C4orf50: variants seen among roughly 807,000 people sequenced by gnomAD.
C4orf50 encodes chromosome 4 open reading frame 50.
Under a neutral mutation model 77.2 loss-of-function variants are expected in C4orf50, and 80 were observed. That is an observed-to-expected ratio of 1.04 (90% CI 0.87 to 1.25). The LOEUF (loss-of-function observed/expected upper bound fraction) is 1.25, where lower values mean the gene tolerates loss of function less well. Ranked by LOEUF, C4orf50 falls within the 50% of genes most tolerant of loss-of-function variation. The probability of loss-of-function intolerance (pLI) is 0.00; values close to 1 mark genes in which losing one functional copy is unlikely to be tolerated. For missense variants in C4orf50, 1,257 were observed against 1,152.9 expected (o/e 1.09, Z -1.31); for synonymous variants, 532 against 465.3 (o/e 1.14, Z -1.84).
rs552733151 is a variant in C4orf50 at position 6,011,445 on chromosome 4, C to T, written c.426+385G>A. On this transcript the variant is annotated intron_variant, in intron 24 of 33. Coordinates refer to ENST00000531445, the Ensembl canonical transcript of C4orf50. This position sits in a 1 kb window ranked among gnomAD's most constrained non-coding sequence, Gnocchi z 4.2. ...CAACTCCCCTAGCCCCCTGAACACA[C>T]GCCATGGGGGATCGCACACTCCCCC... Among the ~76,000 whole-genome samples, 4 of 152,210 alleles carry T rather than the reference C, an allele frequency of 2.6e-5. No individual in the cohort carries two copies. The highest frequency in any genetic ancestry group is 1.9e-4 in the East Asian group (1 of 5,148).
In C4orf50 at chr4:5,992,084, C is replaced by A. The variant is rs1276916631; in HGVS notation, c.1221+719G>T. 1.3e-5 allele frequency among the ~76,000 whole-genome samples: 2 copies of A among 152,174 alleles called. No homozygotes were observed. The highest frequency in any genetic ancestry group is 2.9e-5 in the Non-Finnish European group (2 of 68,022). ...CTGGAGCCTCAGCCACCTCACCTGT[C>A]AAATGGGGCACCTCCGTGTTCTAAG... On this transcript the variant is annotated intron_variant, in intron 27 of 33. Transcript: ENST00000531445. This position sits in a 1 kb window ranked among gnomAD's most constrained non-coding sequence, Gnocchi z 5.0.
In C4orf50 at chr4:6,015,179, G is replaced by A. The variant is rs773522218; in HGVS notation, c.287+2966C>T. Among the ~76,000 whole-genome samples the A allele has an allele frequency of 1.6e-4, 25 of 152,160 alleles. No homozygotes were observed. The highest frequency in any genetic ancestry group is 3.4e-4 in the Non-Finnish European group (23 of 68,020). ...CACATCCCTGCATCCTGTGTTGAAGGCCTAACCCCCAAGTTCCTTAGAATG... is the reference window on the plus strand; with the variant it reads ...CACATCCCTGCATCCTGTGTTGAAGACCTAACCCCCAAGTTCCTTAGAATG... On this transcript the variant is annotated intron_variant, in intron 23 of 33. Transcript: ENST00000531445. The surrounding 1 kb of genome is among the most constrained non-coding windows in gnomAD (Gnocchi z 4.4).
intron 31 of C4orf50, among the ~76,000 whole-genome samples, chr4:5,969,314 T>C (rs1719766471): frequency 6.6e-6 from 1 of 151,906 alleles, no homozygotes. Context: ...GCTGATTTAA[T>C]GAACTGGGGG....
At chr4:6,010,140 G>A (rs1214604764) in intron 24 of C4orf50, among the ~76,000 whole-genome samples, 2 of 152,018 alleles carry the variant, frequency 1.3e-5, no homozygotes, top group Non-Finnish European at 2.9e-5. Flanking sequence ...ATTCACATAG[G>A]GCATGGCTCG....
chr4:5,980,427 C>T (rs1286725903), intron 28 of C4orf50, 89 bp from the exon 7 acceptor site: 8 of 1,219,082 alleles, frequency 6.6e-6, no homozygotes, highest in Non-Finnish European at 8.9e-6. Context: ...TTCCCCACTC[C>T]GTAGTTTTTT....
At chr4:5,906,136 C>T (rs919101600) in intron 7 of C4orf50, among the ~76,000 whole-genome samples, 5 of 151,564 alleles carry the variant, frequency 3.3e-5, no homozygotes, top group Admixed American at 2.6e-4. Flanking sequence ...CAGGAGAAGC[C>T]GGTGTGAAGA....
At chr4:5,986,634 G>A (rs931572936) in intron 28 of C4orf50, among the ~76,000 whole-genome samples, 4 of 151,186 alleles carry the variant, frequency 2.6e-5, no homozygotes, top group Admixed American at 6.6e-5. Context: ...CGCCTCCCAG[G>A]TTCAAGCAAT....
In C4orf50 at chr4:6,007,924, GA is replaced by G. The variant is rs1451153453; in HGVS notation, c.963+71del. 1 of 399,050 alleles carries G rather than the reference GA, an allele frequency of 2.5e-6. No homozygotes were observed. The highest frequency in any genetic ancestry group is 2.1e-5 in the African/African-American group (1 of 48,636). 24.7% of individuals were successfully genotyped at this position (399,050 alleles called of 1,614,324 possible). A position where few individuals can be genotyped will look rare whatever the true frequency, so the allele number is the denominator to read the frequency against. ...GAGCCCGGGGAATGGATGGGCCAATGACTTCACCAAGTGGCTGGAGGAGAAG... is the reference window on the plus strand; with the variant it reads ...GAGCCCGGGGAATGGATGGGCCAATGCTTCACCAAGTGGCTGGAGGAGAAG... On this transcript the variant is annotated intron_variant, in intron 25 of 33. Transcript: ENST00000531445. This position sits in a 1 kb window ranked among gnomAD's most constrained non-coding sequence, Gnocchi z 4.1.
chr4:5,918,166 G>A (rs1717112365), intron 7 of C4orf50, among the ~76,000 whole-genome samples: 1 of 152,178 alleles, frequency 6.6e-6, no homozygotes, highest in South Asian at 2.1e-4. Context: ...AGGAGGCGAG[G>A]TCATATCATA....
intron 7 of C4orf50, among the ~76,000 whole-genome samples, chr4:5,910,729 G>A (rs1349130196): frequency 1.3e-5 from 2 of 152,086 alleles, no homozygotes; most frequent in Admixed American, 1.3e-4. Flanking sequence ...CCCTGGGCAA[G>A]AAGCTTTTTT....
At chr4:5,968,758 G>C (rs7672568) in intron 31 of C4orf50, among the ~76,000 whole-genome samples, 4,336 of 151,222 alleles carry the variant, frequency 0.029, 89 homozygotes, top group African/African-American at 0.058. Context: ...CCTGGGTTTA[G>C]AGTCAGGTGT....
intron 7 of C4orf50, among the ~76,000 whole-genome samples, chr4:5,922,295 T>C (rs576375484): frequency 6.6e-6 from 1 of 152,306 alleles, no homozygotes; most frequent in East Asian, 1.9e-4. Flanking sequence ...AGGAGGTGTG[T>C]CTTTCAAAAC....
rs942521858 is a variant in C4orf50 at position 5,958,767 on chromosome 4, T to C, written c.*608A>G. ...TTAATGTTTTTAAATGTAAAATATA[T>C]GGTGACTTAGGCGTTTCACTTAGTA... On this transcript the variant is annotated 3_prime_UTR_variant, in exon 34 of 34. Transcript: ENST00000531445. This position sits in a 1 kb window ranked among gnomAD's most constrained non-coding sequence, Gnocchi z 5.4. 2 of 152,286 alleles carry C rather than the reference T, an allele frequency of 1.3e-5. No homozygotes were observed. The highest frequency in any genetic ancestry group is 6.5e-5 in the Admixed American group (1 of 15,292). 9.4% of individuals were successfully genotyped at this position (152,286 alleles called of 1,614,324 possible). A position where few individuals can be genotyped will look rare whatever the true frequency, so the allele number is the denominator to read the frequency against.
At chr4:5,993,079 C>T (rs1349508375) in intron 26 of C4orf50, 149 bp from the exon 5 acceptor site, 1 of 395,774 alleles carries the variant, frequency 2.5e-6, no homozygotes, top group African/African-American at 2.1e-5. Context: ...CTGATGACCA[C>T]CAGCACCTTG....
chr4:5,909,943 C>T (rs1360988301), intron 7 of C4orf50, among the ~76,000 whole-genome samples: 2 of 152,104 alleles, frequency 1.3e-5, no homozygotes, highest in Non-Finnish European at 2.9e-5. Context: ...GGGTGTGGAG[C>T]CCCCAGCATT....
rs1719997872 is a variant in C4orf50, at chr4:5,972,714, G to A, written c.4104+945C>T. Among the ~76,000 whole-genome samples the A allele has an allele frequency of 1.3e-5, 2 of 152,252 alleles. 1 individual carries two copies. The highest frequency in any genetic ancestry group is 4.1e-4 in the South Asian group (2 of 4,836). ...GAGCAAGCCCCACAGGCAGAGCCTG[G>A]AGGGACCATGGAAAACAGCCCCGGC... is the stretch of plus-strand genomic sequence containing the variant. On this transcript the variant is annotated intron_variant, in intron 31 of 33. Transcript: ENST00000531445.
intron 31 of C4orf50, among the ~76,000 whole-genome samples, chr4:5,968,860 C>G (rs16837934): frequency 0.023 from 3,503 of 152,256 alleles, 150 homozygotes; most frequent in East Asian, 0.17. Context: ...CAAGCGCACT[C>G]AACTGACTTC....
chr4:6,009,410 G>A lies in C4orf50; in HGVS notation c.427-878C>T, dbSNP rs1247525601. Among the ~76,000 whole-genome samples the A allele has an allele frequency of 1.3e-5, 2 of 152,198 alleles. No homozygotes were observed. Among genetic ancestry groups the A allele is most frequent in the Non-Finnish European group, 2.9e-5 (2 of 68,048 alleles). Reference sequence around the variant, plus strand: ...GAAAACAAAAACAAACAAACTAAGAGCAAACGTGAAAGAGGAAACCTGGAA... The same window carrying A: ...GAAAACAAAAACAAACAAACTAAGAACAAACGTGAAAGAGGAAACCTGGAA... On this transcript the variant is annotated intron_variant, in intron 24 of 33. Coordinates refer to ENST00000531445, the Ensembl canonical transcript of C4orf50. The surrounding 1 kb of genome is among the most constrained non-coding windows in gnomAD (Gnocchi z 5.6).
chr4:6,004,053 GATGGTGA>G (rs1560598442), intron 25 of C4orf50, among the ~76,000 whole-genome samples: 1 of 122,522 alleles, frequency 8.2e-6, no homozygotes, highest in Non-Finnish European at 1.8e-5. Context: ...TGATGGTGAT[GATGGTGA>G]TGATGGTGAT....
Sources: allele counts gnomAD v4.1 joint callset (sites outside exome capture counted in the v4.1 genomes callset), GRCh38; gene constraint gnomAD v4.1.1; non-coding constraint Gnocchi (gnomAD v3.1); transcripts MANE v1.5; gene names NCBI Gene and HGNC (gene_info 2026-07-23, HGNC 2026-07-21).